Variants in NOC4L observed in about 807,000 individuals in gnomAD.
NOC4L encodes the protein nucleolar complex associated 4 homolog, also known as nucleolar complex protein 4 homolog.
In NOC4L, 40 loss-of-function variants were observed where a neutral mutation model predicts 62.8. The ratio of observed to expected loss-of-function variants is 0.64; its 90% CI spans 0.49 to 0.83. The LOEUF is 0.83. NOC4L is among the 40% of genes least tolerant of loss of function. The pLI, the probability that NOC4L is intolerant of heterozygous loss-of-function variation, is 0.00. For synonymous variants in NOC4L, 433 were observed against 299.8 expected, an observed-to-expected ratio of 1.44 and a Z score of -4.59; for missense variants, 927 against 701.9, an observed-to-expected ratio of 1.32 and a Z score of -3.62.
intron 3 of NOC4L, 89 bp from the exon 4 acceptor site, chr12:132,147,192 A>C (rs1021455158): frequency 9.9e-7 from 1 of 1,013,410 alleles, no homozygotes. Flanking sequence ...CTCTGGGCCT[A>C]GATGGGAGGG....
At chr12:132,148,501 A>G in intron 7 of NOC4L, 108 bp from the exon 8 acceptor site, 1 of 1,212,888 alleles carries the variant, frequency 8.2e-7, no homozygotes, top group Non-Finnish European at 1.2e-6. Flanking sequence ...AGAAAAGTGG[A>G]GAGCAGGCTT....
intron 8 of NOC4L, 47 bp from the exon 9 acceptor site, chr12:132,148,737 G>T: frequency 5.1e-6 from 6 of 1,181,138 alleles, no homozygotes; most frequent in Non-Finnish European, 6.7e-6. Flanking sequence ...CGACCCGCCG[G>T]CCCCCGCCCA....
intron 7 of NOC4L, 77 bp downstream of exon 7, chr12:132,148,183 G>T (rs1897797750): frequency 6.8e-7 from 1 of 1,466,224 alleles, no homozygotes; most frequent in South Asian, 1.2e-5. Flanking sequence ...CCCCATGGAG[G>T]CTGCCGCCTT....
rs1178284827 is a variant in NOC4L at position 132,147,764 on chromosome 12, C to A, written c.585C>A (p.Val195=). The part of the protein sequence containing the change: ...MQAAVDAVAR[V]TGQHPEVPPA... The stretch of plus-strand genomic sequence containing the variant: ...CAGCCGTGGATGCCGTGGCCCGGGT[C>A]ACTGGCCAGCACCCCGAGGTGGGTG... The change falls in exon 5 of 15, where the codon GTC becomes GTA. Residue 195 remains valine (V), a synonymous_variant. Coordinates refer to ENST00000330579, the MANE Select transcript of NOC4L (RefSeq NM_024078.3). The A allele has an allele frequency of 4.3e-6, 7 of 1,612,722 alleles. No homozygotes were observed. Among genetic ancestry groups the A allele is most frequent in the Non-Finnish European group, 5.1e-6 (6 of 1,179,954 alleles).
chr12:132,146,181 C>T, intron 3 of NOC4L: 1 of 448,100 alleles, frequency 2.2e-6, no homozygotes, highest in Non-Finnish European at 4.5e-6. Flanking sequence ...CCCCCAGCCC[C>T]AGGCAGCCAC....
chr12:132,147,147 TGGAGCA>T, intron 3 of NOC4L, 128 bp from the exon 4 acceptor site: 7 of 567,328 alleles, frequency 1.2e-5, no homozygotes, highest in South Asian at 8.0e-5. Flanking sequence ...TGGTGGCGTG[TGGAGCA>T]AGAGAAGGCC....
intron 9 of NOC4L, among the ~76,000 whole-genome samples, 197 bp downstream of exon 9, chr12:132,149,092 CCTACCACACCCCTA>C: frequency 1.5e-4 from 3 of 20,592 alleles, no homozygotes; most frequent in Non-Finnish European, 4.2e-4. Flanking sequence ...CCGCCTCACT[CCTACCACACCCCTA>C]ATCCCCTCGG....
At position 132,147,890 on chromosome 12, in the gene NOC4L, C is replaced by A; in HGVS notation, c.614C>A (p.Ala205Asp). 1 of 1,608,766 alleles carries A rather than the reference C, an allele frequency of 6.2e-7. No individual in the cohort carries two copies. The highest frequency in any genetic ancestry group is 8.5e-7 in the Non-Finnish European group (1 of 1,178,888). ...VTGQHPEVPP[A>D]FWNNAFTLLS... ...GGCCAGGCTCCGCAGGTGCCCCCCGCCTTTTGGAACAATGCCTTCACGCTG... is the reference window on the plus strand; with the variant it reads ...GGCCAGGCTCCGCAGGTGCCCCCCGACTTTTGGAACAATGCCTTCACGCTG... The change falls in exon 6 of 15, where the codon GCC becomes GAC. Residue 205 changes from alanine to aspartate, a missense_variant. Physicochemically the swap from Ala to Asp is moderately radical, Grantham distance 126. Transcript: ENST00000330579.
In NOC4L at chr12:132,147,993, G is replaced by A. The variant is rs1593428746; in HGVS notation, c.703+14G>A. 3 of 1,612,262 alleles carry A rather than the reference G, an allele frequency of 1.9e-6. No homozygotes were observed. The East Asian group carries it at 6.7e-5, about 36-fold the overall frequency. On this transcript the variant is annotated intron_variant, in intron 6 of 14. Coordinates refer to ENST00000330579, the MANE Select transcript of NOC4L (RefSeq NM_024078.3). ...TGAAGCGGGCGGGTGAGTGTGCTGA[G>A]AGTCAGGGGCGGACAGGGCTGAGCC...
rs764494708 is a variant in NOC4L at position 132,152,169 on chromosome 12, C to T, written c.1403C>T (p.Ala468Val). ...QALSMPEVSIAPLLELTAYEI... is the reference protein window; with the variant it reads ...QALSMPEVSIVPLLELTAYEI... ...CTGTCCATGCCTGAGGTCAGCATCG[C>T]GCCACTGCTGGAGCTCACGGCCTAC... Residue 468 changes from alanine to valine, a missense_variant, in exon 14 of 15, where the codon GCG (alanine) becomes GTG (valine). Transcript: ENST00000330579. 3.5e-5 allele frequency: 57 copies of T among 1,612,142 alleles called. No homozygotes were observed. The highest frequency in any genetic ancestry group is 5.3e-5 in the African/African-American group (4 of 74,938).
At chr12:132,146,975 C>T (rs945590028) in intron 3 of NOC4L, among the ~76,000 whole-genome samples, 2 of 152,206 alleles carry the variant, frequency 1.3e-5, no homozygotes, top group Non-Finnish European at 2.9e-5. Flanking sequence ...TGGTGGCATT[C>T]CCGTGACACA....
rs1873054441 is a variant in NOC4L, at chr12:132,152,442, C to T, written c.*41C>T. On this transcript the variant is annotated 3_prime_UTR_variant, in exon 15 of 15. Coordinates refer to ENST00000330579, the MANE Select transcript of NOC4L (RefSeq NM_024078.3). ...GAATAAATCTCAGCTGACCCCAGCC[C>T]ACCTGTGAATAAATGTTTTTGCAGG... is the stretch of plus-strand genomic sequence containing the variant. The T allele has an allele frequency of 1.3e-6, 2 of 1,537,888 alleles. No homozygotes were observed. Among genetic ancestry groups the T allele is most frequent in the African/African-American group, 2.8e-5 (2 of 72,710 alleles).
rs920981417 is a variant in NOC4L, at chr12:132,148,798, C to G, written c.804C>G (p.Leu268=). The change falls in exon 9 of 15, where the codon CTC becomes CTG. Residue 268 remains leucine, a synonymous_variant. Transcript: ENST00000330579. ...SFLKHKLPLS[L]YKKVLLIVHD... is the part of the protein sequence containing the mutation. ...CCCCCGCCCAGCTGCCCCTCAGCCT[C>G]TACAAGAAGGTGCTGCTGATTGTGC... The G allele has an allele frequency of 3.1e-6, 5 of 1,596,830 alleles. No homozygotes were observed. Among genetic ancestry groups the G allele is most frequent in the Admixed American group, 1.7e-5 (1 of 58,748 alleles).
chr12:132,147,541 G>T (rs112569492), intron 4 of NOC4L, 92 bp from the exon 5 acceptor site: 3 of 1,526,808 alleles, frequency 2.0e-6, no homozygotes, highest in Admixed American at 2.0e-5. Context: ...GGAGGAGTCT[G>T]CCTGGGGGGC....
At chr12:132,146,111 A>G (rs1159426688) in intron 3 of NOC4L, 1 of 394,760 alleles carries the variant, frequency 2.5e-6, no homozygotes, top group Non-Finnish European at 5.2e-6. Flanking sequence ...GAACATCTTT[A>G]TCGCCCCGAA....
intron 11 of NOC4L, 53 bp downstream of exon 11, chr12:132,151,421 G>A (rs552507064): frequency 3.6e-5 from 58 of 1,601,980 alleles, no homozygotes; most frequent in Non-Finnish European, 4.7e-5. Flanking sequence ...GCAGCCTGGG[G>A]CCAGGGGAGG....
intron 3 of NOC4L, 21 bp downstream of exon 3, chr12:132,145,686 C>T (rs1897690049): frequency 6.6e-7 from 1 of 1,508,692 alleles, no homozygotes; most frequent in Non-Finnish European, 9.2e-7. Flanking sequence ...GGGCTGGCCT[C>T]ATCCTTGTCC....
At position 132,151,309 on chromosome 12, in the gene NOC4L, C is replaced by T. The variant is rs751290788; in HGVS notation, c.1014C>T (p.Val338=). 7 of 1,612,046 alleles carry T rather than the reference C, an allele frequency of 4.3e-6. No individual in the cohort carries two copies. Among genetic ancestry groups the T allele is most frequent in the Non-Finnish European group, 5.9e-6 (7 of 1,179,968 alleles). The change falls in exon 11 of 15, where the codon GTC becomes GTT. Residue 338 remains valine (V), a synonymous_variant. Coordinates refer to ENST00000330579, the MANE Select transcript of NOC4L (RefSeq NM_024078.3). ...TCTACGGCCTCTTGGACCCCTCTGT[C>T]TTTCACGTCAAGTACCGCGCCCGCT... ...RKLYGLLDPS[V]FHVKYRARFF...
At position 132,152,318 on chromosome 12, in the gene NOC4L, C is replaced by T. The variant is rs778357766; in HGVS notation, c.1468C>T (p.Pro490Ser). The change falls in exon 15 of 15, where the codon CCG becomes TCG. Residue 490 changes from proline (P) to serine (S), a missense_variant. Coordinates refer to ENST00000330579, the MANE Select transcript of NOC4L (RefSeq NM_024078.3). ...ERDLKKKGPE[P>S]VPLEFIPAQG... Reference sequence around the variant, plus strand: ...GGACCTGAAGAAGAAGGGGCCCGAGCCGGTGCCACTGGAGTTTATCCCAGC... The same window carrying T: ...GGACCTGAAGAAGAAGGGGCCCGAGTCGGTGCCACTGGAGTTTATCCCAGC... The T allele has an allele frequency of 2.6e-5, 40 of 1,563,588 alleles. No individual in the cohort carries two copies. The highest frequency in any genetic ancestry group is 3.1e-5 in the Non-Finnish European group (36 of 1,153,812).
Sources: allele counts gnomAD v4.1 joint callset (sites outside exome capture counted in the v4.1 genomes callset), GRCh38; gene constraint gnomAD v4.1.1; transcripts MANE v1.5; gene names NCBI Gene and HGNC (gene_info 2026-07-23, HGNC 2026-07-21).